The following BZW2 variants were observed in gnomAD, a reference collection of about 807,000 sequenced individuals.
BZW2 encodes the protein basic leucine zipper and W2 domains 2.
Under a neutral mutation model 53.2 loss-of-function variants are expected in BZW2, and 23 were observed. The ratio of observed to expected loss-of-function variants is 0.43; its 90% CI spans 0.31 to 0.61. The LOEUF is 0.61. Ranked by LOEUF, BZW2 falls within the 20% of genes least tolerant of loss-of-function variation. The pLI is 0.09. For synonymous variants in BZW2, 227 were observed against 186.4 expected (o/e 1.22, Z -1.77); for missense variants, 409 against 503.1 (o/e 0.81, Z 1.79).
chr7:16,680,734 T>G (rs937735629), intron 3 of BZW2, among the ~76,000 whole-genome samples: 3 of 151,922 alleles, frequency 2.0e-5, no homozygotes, highest in African/African-American at 7.3e-5. Flanking sequence ...TTGAGCACCC[T>G]GGAGGTTGAG....
Position 16,658,595 on chromosome 7 carries a change from G to A in BZW2, c.-7-6842G>A, listed in dbSNP as rs1183519549. Among the ~76,000 whole-genome samples, 3 of 151,948 alleles carry A rather than the reference G, an allele frequency of 2.0e-5. No individual in the cohort carries two copies. In the South Asian group the frequency reaches 6.2e-4, roughly 32 times the overall value. On this transcript the variant is annotated intron_variant, in intron 1 of 11. Transcript: ENST00000258761. ...TTTCTAATATAAAAATATTGCTGTCGGCCAGGCGCAGTGGCTTATGCCTGT... is the reference window on the plus strand; with the variant it reads ...TTTCTAATATAAAAATATTGCTGTCAGCCAGGCGCAGTGGCTTATGCCTGT...
Position 16,703,484 on chromosome 7 carries a change from G to T in BZW2, c.1109-1063G>T, listed in dbSNP as rs562247943. Among the ~76,000 whole-genome samples the T allele has an allele frequency of 6.6e-4, 100 of 152,142 alleles. 1 individual carries two copies. The highest frequency in any genetic ancestry group is 2.3e-3 in the African/African-American group (95 of 41,510). ...ATGAAAACAATATTAAATTGTTTCT[G>T]TCATTTTCATAAGTTGAAATTATAT... On this transcript the variant is annotated intron_variant, in intron 10 of 11. Coordinates refer to ENST00000258761, the MANE Select transcript of BZW2 (RefSeq NM_014038.3).
intron 5 of BZW2, 134 bp downstream of exon 5, chr7:16,682,979 C>A: frequency 2.4e-6 from 1 of 423,062 alleles, no homozygotes; most frequent in Non-Finnish European, 4.0e-6. Flanking sequence ...GGGTGGGTCA[C>A]AAGGTCAGGA....
chr7:16,671,625 T>G (rs1782602701), intron 2 of BZW2, among the ~76,000 whole-genome samples: 1 of 152,162 alleles, frequency 6.6e-6, no homozygotes, highest in African/African-American at 2.4e-5. Flanking sequence ...GTATTGCTCT[T>G]ACCCTTGATT....
intron 4 of BZW2, 107 bp downstream of exon 4, chr7:16,681,511 A>G: frequency 1.1e-6 from 1 of 917,494 alleles, no homozygotes; most frequent in South Asian, 1.7e-5. Context: ...AAAGCCTTTA[A>G]ACTTATGAAA....
intron 2 of BZW2, among the ~76,000 whole-genome samples, chr7:16,673,780 T>A (rs936494591): frequency 2.0e-5 from 3 of 152,150 alleles, no homozygotes; most frequent in Non-Finnish European, 4.4e-5. Context: ...ATGTACATTT[T>A]AAGTGTCAAG....
chr7:16,685,678 G>A (rs1783094089), intron 5 of BZW2, among the ~76,000 whole-genome samples: 1 of 151,996 alleles, frequency 6.6e-6, no homozygotes, highest in South Asian at 2.1e-4. Context: ...ACAGCTGTGA[G>A]TAAATTAACT....
At chr7:16,662,648 G>A (rs556666373) in intron 1 of BZW2, among the ~76,000 whole-genome samples, 1 of 152,286 alleles carries the variant, frequency 6.6e-6, no homozygotes. Flanking sequence ...CTGGCACAGT[G>A]GTGTGCGCCT....
Position 16,686,022 on chromosome 7 carries a change from G to A in BZW2, c.523G>A (p.Asp175Asn), listed in dbSNP as rs1305195566. The change falls in exon 6 of 12, where the codon GAC (aspartate) becomes AAC (asparagine). Residue 175 changes from aspartate (D) to asparagine (N), a missense_variant. Asp to Asn is a conservative substitution (Grantham distance 23, BLOSUM62 1). Transcript: ENST00000258761. The stretch of plus-strand genomic sequence containing the variant: ...CACCATCCTCACCAGTCTCTTCACC[G>A]ACAGCTTAGTCAAAGAAGGTAACGA... ...PATILTSLFT[D>N]SLVKEGIAAS... 4 of 1,611,320 alleles carry A rather than the reference G, an allele frequency of 2.5e-6. No homozygotes were observed. Among genetic ancestry groups the A allele is most frequent in the Admixed American group, 1.7e-5 (1 of 59,736 alleles).
At chr7:16,703,568 T>G (rs1224070074) in intron 10 of BZW2, among the ~76,000 whole-genome samples, 1 of 152,224 alleles carries the variant, frequency 6.6e-6, no homozygotes, top group Non-Finnish European at 1.5e-5. Flanking sequence ...TTATCAGTAT[T>G]TGTAATGAAT....
intron 6 of BZW2, chr7:16,686,300 G>A: frequency 2.5e-6 from 1 of 399,004 alleles, no homozygotes; most frequent in Non-Finnish European, 4.5e-6. Flanking sequence ...AAAATCTCAT[G>A]GAAGACTTGA....
chr7:16,675,421 A>G (rs182977276), intron 3 of BZW2, among the ~76,000 whole-genome samples: 266 of 152,324 alleles, frequency 1.7e-3, no homozygotes, highest in African/African-American at 6.0e-3. Flanking sequence ...TGCCTTGCCC[A>G]AAGTGCCATC....
At chr7:16,652,366 T>C (rs1782005196) in intron 1 of BZW2, among the ~76,000 whole-genome samples, 1 of 152,216 alleles carries the variant, frequency 6.6e-6, no homozygotes, top group Admixed American at 6.5e-5. Flanking sequence ...TAACTTGTTC[T>C]GCCCGATTGT....
In BZW2 at chr7:16,706,023, C is replaced by G. The variant is rs768884853; in HGVS notation, c.1232-37C>G. On this transcript the variant is annotated intron_variant, in intron 11 of 11. Transcript: ENST00000258761. ...AACTTTTGACCTTAATTAGAGGAAT[C>G]TGGGAGGAAATATCTCACTTCTTTC... is the stretch of plus-strand genomic sequence containing the variant. 9.3e-6 allele frequency: 15 copies of G among 1,612,434 alleles called. No individual in the cohort carries two copies. The Admixed American group carries it at 1.7e-4, about 18-fold the overall frequency.
At chr7:16,666,588 A>G (rs1477494621) in intron 2 of BZW2, among the ~76,000 whole-genome samples, 2 of 152,132 alleles carry the variant, frequency 1.3e-5, no homozygotes, top group East Asian at 3.9e-4. Flanking sequence ...TTTTAAGTAC[A>G]GACGGGGTTT....
At chr7:16,699,537 C>G (rs1191460715) in intron 10 of BZW2, among the ~76,000 whole-genome samples, 3 of 152,108 alleles carry the variant, frequency 2.0e-5, no homozygotes, top group Admixed American at 6.5e-5. Context: ...CCAAACTGTT[C>G]GTAAACTAGT....
intron 6 of BZW2, among the ~76,000 whole-genome samples, chr7:16,689,018 G>T: frequency 6.6e-6 from 1 of 152,178 alleles, no homozygotes; most frequent in East Asian, 1.9e-4. Context: ...CTGAGGTCAA[G>T]CGTTCAGGAC....
Position 16,706,181 on chromosome 7 carries a change from TCGC to T in BZW2, c.*94_*96del. On this transcript the variant is annotated 3_prime_UTR_variant, in exon 12 of 12. Transcript: ENST00000258761. ...GAGAAGAGAAACTTGGCTTCTGTTT[TCGC>T]AAAGGAAAAAAAAAATAGGATAGGC... The T allele has an allele frequency of 7.1e-7, 1 of 1,410,564 alleles. No homozygotes were observed. The highest frequency in any genetic ancestry group is 2.0e-5 in the Admixed American group (1 of 50,112). The allele number at this position is 1,410,564 out of a possible 1,614,324, so 87.4% of individuals were successfully genotyped here.
chr7:16,703,811 GA>G (rs1344911807), intron 10 of BZW2, among the ~76,000 whole-genome samples: 1 of 152,092 alleles, frequency 6.6e-6, no homozygotes, highest in African/African-American at 2.4e-5. Flanking sequence ...CACATTTGTG[GA>G]ATTTAGAGTT....
Sources: allele counts gnomAD v4.1 joint callset (sites outside exome capture counted in the v4.1 genomes callset), GRCh38; gene constraint gnomAD v4.1.1; transcripts MANE v1.5; gene names NCBI Gene and HGNC (gene_info 2026-07-23, HGNC 2026-07-21).